The following TENM4 variants were observed in gnomAD, a reference collection of about 807,000 sequenced individuals.
The protein encoded by TENM4 is teneurin transmembrane protein 4.
In TENM4, 82 loss-of-function variants were observed where a neutral mutation model predicts 243.3. The ratio of observed to expected loss-of-function variants is 0.34; its 90% CI spans 0.28 to 0.40. TENM4 has a LOEUF of 0.40. Ranked by LOEUF, TENM4 falls within the 10% of genes least tolerant of loss-of-function variation. The pLI, the probability that TENM4 is intolerant of heterozygous loss-of-function variation, is 1.00. For missense variants in TENM4, 3,138 were observed against 3,673.3 expected (o/e 0.85, Z 3.77); for synonymous variants, 1,412 against 1,456.3 (o/e 0.97, Z 0.69).
rs1857356322 is a variant in TENM4 at position 78,804,888 on chromosome 11, G to A, written c.2179+404C>T. ...GTTTGGACTTCATTCTGAGAAATGG[G>A]TGAAACTGAAGGGTTTGATGGCTGG... On this transcript the variant is annotated intron_variant, in intron 15 of 33. Coordinates refer to ENST00000278550, the MANE Select transcript of TENM4 (RefSeq NM_001098816.3). Among the ~76,000 whole-genome samples, 6 of 152,138 alleles carry A rather than the reference G, an allele frequency of 3.9e-5. No homozygotes were observed. The South Asian group carries it at 1.2e-3, about 31-fold the overall frequency.
chr11:78,954,033 T>A (rs1857159850), intron 6 of TENM4, among the ~76,000 whole-genome samples: 1 of 152,220 alleles, frequency 6.6e-6, no homozygotes, highest in African/African-American at 2.4e-5. Context: ...TTTTTTTTAG[T>A]TGTTTAATCT....
chr11:78,776,015 C>A (rs1036514882), intron 17 of TENM4, among the ~76,000 whole-genome samples: 2 of 152,060 alleles, frequency 1.3e-5, no homozygotes, highest in Admixed American at 6.5e-5. Flanking sequence ...TCAAATGGCC[C>A]ATTTCTTTAT....
intron 12 of TENM4, among the ~76,000 whole-genome samples, chr11:78,835,396 C>T (rs144164222): frequency 0.022 from 3,340 of 152,270 alleles, 55 homozygotes; most frequent in South Asian, 0.059. Flanking sequence ...GTCCCAGCTA[C>T]TGGGGAGGCT....
intron 2 of TENM4, among the ~76,000 whole-genome samples, chr11:79,287,815 A>G (rs1444170203): frequency 1.3e-5 from 2 of 151,998 alleles, no homozygotes; most frequent in African/African-American, 2.4e-5. Context: ...TCAAGGGCAG[A>G]GGGTATTATC....
chr11:78,705,991 G>A (rs768552288), intron 27 of TENM4, among the ~76,000 whole-genome samples: 1 of 152,176 alleles, frequency 6.6e-6, no homozygotes, highest in Admixed American at 6.5e-5. Context: ...GACAATTTGT[G>A]TACATAATTT....
At chr11:78,766,050 T>C (rs193122186) in intron 18 of TENM4, among the ~76,000 whole-genome samples, 31 of 152,314 alleles carry the variant, frequency 2.0e-4, no homozygotes, top group East Asian at 1.3e-3. Context: ...ATAATAAATA[T>C]CATGTTTCTG....
At position 79,034,859 on chromosome 11, in the gene TENM4, G is replaced by A. The variant is rs59072332; in HGVS notation, c.493+29879C>T. On this transcript the variant is annotated intron_variant, in intron 6 of 33. Transcript: ENST00000278550. ...ACCTTTATTCCTCAGGACATCTGGG[G>A]AACTAGTTTTCATAGAACTTTCAGA... is the stretch of plus-strand genomic sequence containing the variant. 2.6e-5 allele frequency among the ~76,000 whole-genome samples: 4 copies of A among 152,192 alleles called. No homozygotes were observed. In the East Asian group the frequency reaches 7.7e-4, roughly 29 times the overall value.
In TENM4 at chr11:78,668,919, G is replaced by C; in HGVS notation, c.7408+18C>G. ...GCACTTTATGGGGTCCTGCCCCTGA[G>C]TGAGCCGTGGTCCTTACCTGTCATG... On this transcript the variant is annotated intron_variant, in intron 32 of 33. Transcript: ENST00000278550. 1.2e-6 allele frequency: 2 copies of C among 1,601,540 alleles called. No individual in the cohort carries two copies. Among genetic ancestry groups the C allele is most frequent in the Non-Finnish European group, 1.7e-6 (2 of 1,170,940 alleles).
At chr11:78,879,981 CATG>C (rs1339556056) in intron 9 of TENM4, among the ~76,000 whole-genome samples, 8 of 152,044 alleles carry the variant, frequency 5.3e-5, no homozygotes, top group Non-Finnish European at 1.2e-4. Flanking sequence ...GAGAATGGGC[CATG>C]ATGACGATGG....
intron 28 of TENM4, among the ~76,000 whole-genome samples, chr11:78,700,231 G>A (rs904311240): frequency 5.3e-5 from 8 of 152,208 alleles, no homozygotes; most frequent in African/African-American, 1.9e-4. Context: ...TGGTGCGGGG[G>A]TAGGATGCAG....
chr11:79,400,144 C>G (rs1478378576), intron 1 of TENM4, among the ~76,000 whole-genome samples: 2 of 145,532 alleles, frequency 1.4e-5, no homozygotes, highest in African/African-American at 5.2e-5. Context: ...CACACACACA[C>G]ACCCTCCAGG....
At chr11:79,022,257 T>C (rs1858948786) in intron 6 of TENM4, among the ~76,000 whole-genome samples, 1 of 152,174 alleles carries the variant, frequency 6.6e-6, no homozygotes, top group African/African-American at 2.4e-5. Context: ...ATTTTGCAGA[T>C]GATGAAACTG....
intron 3 of TENM4, among the ~76,000 whole-genome samples, chr11:79,175,179 G>A (rs1863133454): frequency 6.6e-6 from 1 of 152,126 alleles, no homozygotes; most frequent in Non-Finnish European, 1.5e-5. Context: ...AGGTTAATTT[G>A]CCAAAGTATA....
intron 1 of TENM4, among the ~76,000 whole-genome samples, chr11:79,327,648 G>A (rs1428967873): frequency 1.1e-5 from 1 of 92,576 alleles, no homozygotes; most frequent in African/African-American, 4.9e-5. Context: ...GAATTGGAAA[G>A]CTTTTTTTTT....
intron 6 of TENM4, among the ~76,000 whole-genome samples, chr11:79,055,691 T>C (rs12294318): frequency 0.014 from 2,196 of 152,302 alleles, 59 homozygotes; most frequent in African/African-American, 0.051. Flanking sequence ...CAGTTATTCA[T>C]TCCCAGGTTG....
At chr11:79,197,368 T>G (rs1863651953) in intron 3 of TENM4, among the ~76,000 whole-genome samples, 1 of 150,320 alleles carries the variant, frequency 6.7e-6, no homozygotes, top group Non-Finnish European at 1.5e-5. Flanking sequence ...AGCCCCTGCT[T>G]GGGCCCAACC....
At chr11:79,016,407 G>A (rs1265421229) in intron 6 of TENM4, among the ~76,000 whole-genome samples, 1 of 152,166 alleles carries the variant, frequency 6.6e-6, no homozygotes, top group Non-Finnish European at 1.5e-5. Context: ...TAACTTGGGC[G>A]AGTGGGTAGA....
intron 4 of TENM4, among the ~76,000 whole-genome samples, chr11:79,113,392 GGT>G (rs113144339): frequency 3.2e-3 from 460 of 144,290 alleles, no homozygotes; most frequent in African/African-American, 5.6e-3. Context: ...CTATTGGATT[GGT>G]GTGTGTGTGT....
chr11:78,823,364 A>G (rs1211266417), intron 12 of TENM4, among the ~76,000 whole-genome samples: 1 of 152,222 alleles, frequency 6.6e-6, no homozygotes, highest in Non-Finnish European at 1.5e-5. Flanking sequence ...AGCCAAGCTC[A>G]GGCACAGGCT....
Sources: allele counts gnomAD v4.1 joint callset (sites outside exome capture counted in the v4.1 genomes callset), GRCh38; gene constraint gnomAD v4.1.1; transcripts MANE v1.5; gene names NCBI Gene and HGNC (gene_info 2026-07-23, HGNC 2026-07-21).